Variants in TAF1 observed in about 807,000 individuals in gnomAD.
The protein encoded by TAF1 is TATA-box binding protein associated factor 1, also known as transcription initiation factor TFIID subunit 1.
A neutral mutation model predicts 138.5 loss-of-function variants in TAF1; 2 were observed. That is an observed-to-expected ratio of 0.01 (90% CI 0.01 to 0.05). The LOEUF is 0.05. Ranked by LOEUF, TAF1 falls within the 10% of genes least tolerant of loss-of-function variation. TAF1 has a pLI of 1.00. For missense variants in TAF1, 709 were observed against 1,478.0 expected (o/e 0.48, Z 8.53); for synonymous variants, 437 against 503.2 (o/e 0.87, Z 1.76).
chrX:71,383,927 C>T, intron 12 of TAF1, 35 bp from the exon 13 acceptor site: 1 of 1,191,158 alleles, frequency 8.4e-7, no homozygotes, highest in Non-Finnish European at 1.1e-6. Flanking sequence ...AGTGTCCTGT[C>T]AGGAGCTAGA....
intron 14 of TAF1, among the ~76,000 whole-genome samples, 158 bp downstream of exon 14, chrX:71,385,207 T>G (rs1342802399): frequency 8.9e-6 from 1 of 112,306 alleles, no homozygotes; most frequent in Non-Finnish European, 1.9e-5. Flanking sequence ...TAAAGAAATC[T>G]TTTTCTTAAA....
intron 32 of TAF1, among the ~76,000 whole-genome samples, chrX:71,427,396 G>T (rs2036643274): frequency 9.0e-6 from 1 of 111,381 alleles, no homozygotes; most frequent in African/African-American, 3.3e-5. Flanking sequence ...GTGTTGGTAA[G>T]CTCACAGATG....
chrX:71,468,502 A>G (rs2038811744), downstream of TAF1, among the ~76,000 whole-genome samples: 1 of 108,605 alleles, frequency 9.2e-6, no homozygotes, highest in East Asian at 2.9e-4. Context: ...CCTGGCCAAC[A>G]TGGTGAAACC....
chrX:71,369,294 T>C (rs1231331170), intron 3 of TAF1, among the ~76,000 whole-genome samples: 2 of 111,615 alleles, frequency 1.8e-5, no homozygotes, highest in African/African-American at 6.5e-5. Flanking sequence ...CACCGCACCC[T>C]GCCTAAAACA....
chrX:71,483,803 T>TATATATATATAC (rs1290090578), intron 13 of TAF1, among the ~76,000 whole-genome samples: 159 of 92,769 alleles, frequency 1.7e-3, no homozygotes, highest in African/African-American at 6.3e-3. Context: ...TATATATATA[T>TATATATATATAC]ACACACACAT....
At chrX:71,373,167 C>CTTTT (rs1388371317) in intron 3 of TAF1, among the ~76,000 whole-genome samples, 1 of 90,526 alleles carries the variant, frequency 1.1e-5, no homozygotes, top group Admixed American at 1.2e-4. Context: ...TGCCTGGCCA[C>CTTTT]TTTTTTTTTT....
chrX:71,393,155 C>T (rs2034656251), intron 20 of TAF1, 146 bp from the exon 21 acceptor site: 1 of 1,051,788 alleles, frequency 9.5e-7, no homozygotes, highest in African/African-American at 1.9e-5. Context: ...ATGTAATCTG[C>T]TTTGGGGTGA....
At chrX:71,459,341 A>G (rs2038445305) in intron 35 of TAF1, 3 of 1,026,142 alleles carry the variant, frequency 2.9e-6, no homozygotes, top group Admixed American at 2.9e-5. Context: ...TCCTAAGATG[A>G]TATCAGGGGG....
At chrX:71,402,458 C>G (rs1308786502) in intron 25 of TAF1, among the ~76,000 whole-genome samples, 4 of 111,685 alleles carry the variant, frequency 3.6e-5, no homozygotes, top group Non-Finnish European at 7.5e-5. Context: ...ATGCTGGTCT[C>G]AAACTCTTGT....
intron 32 of TAF1, among the ~76,000 whole-genome samples, chrX:71,444,655 T>G (rs2037597705): frequency 9.0e-6 from 1 of 111,591 alleles, no homozygotes; most frequent in African/African-American, 3.3e-5. Flanking sequence ...AGGTCAAGGC[T>G]TTGGTCAAGG....
intron 13 of TAF1, among the ~76,000 whole-genome samples, chrX:71,520,268 C>T (rs1294253755): frequency 2.9e-5 from 3 of 102,343 alleles, no homozygotes; most frequent in African/African-American, 1.1e-4. Context: ...CTCAGCCTCC[C>T]GAGTAGCTGG....
At chrX:71,421,472 A>C in intron 29 of TAF1, 96 bp downstream of exon 29, 1 of 733,721 alleles carries the variant, frequency 1.4e-6, no homozygotes. Flanking sequence ...AAGGAAAAAT[A>C]TATGCGGGAG....
intron 13 of TAF1, among the ~76,000 whole-genome samples, 161 bp from the exon 14 acceptor site, chrX:71,384,784 C>T (rs2034116568): frequency 9.0e-6 from 1 of 111,684 alleles, no homozygotes; most frequent in Non-Finnish European, 1.9e-5. Flanking sequence ...TTGGGATGCC[C>T]AACTGGTAAG....
intron 35 of TAF1, 59 bp from the exon 36 acceptor site, chrX:71,459,493 C>T: frequency 1.7e-6 from 2 of 1,181,805 alleles, no homozygotes; most frequent in Non-Finnish European, 2.3e-6. Context: ...CTGGTGGTGG[C>T]TTCTGGTCTC....
intron 18 of TAF1, among the ~76,000 whole-genome samples, chrX:71,392,160 A>G (rs759811829): frequency 8.9e-6 from 1 of 111,937 alleles, no homozygotes; most frequent in Non-Finnish European, 1.9e-5. Flanking sequence ...TCATTCTAAA[A>G]CAGCTGTTTG....
At chrX:71,458,072 A>G (rs764634323) in intron 34 of TAF1, among the ~76,000 whole-genome samples, 169 bp from the exon 35 acceptor site, 49 of 112,895 alleles carry the variant, frequency 4.3e-4, no homozygotes, top group Non-Finnish European at 7.9e-4. Context: ...AATAGGCAAC[A>G]TTTATAAGAG....
At chrX:71,393,090 T>C (rs1370533745) in intron 20 of TAF1, 96 bp downstream of exon 20, 1 of 1,094,725 alleles carries the variant, frequency 9.1e-7, no homozygotes, top group South Asian at 2.1e-5. Flanking sequence ...TGGGGAACTT[T>C]ATTGTAGGGT....
intron 30 of TAF1, 148 bp downstream of exon 30, chrX:71,423,387 G>A (rs1164344014): frequency 3.5e-6 from 3 of 853,487 alleles, no homozygotes; most frequent in Non-Finnish European, 3.2e-6. Context: ...TGACCTTTTT[G>A]CTATATGGGT....
chrX:71,476,366 T>C (rs982800576), intron 13 of TAF1, among the ~76,000 whole-genome samples: 8 of 111,217 alleles, frequency 7.2e-5, no homozygotes, highest in African/African-American at 2.3e-4. Flanking sequence ...CTGGGTGTGG[T>C]GGCTCATGCC....
Sources: allele counts gnomAD v4.1 joint callset (sites outside exome capture counted in the v4.1 genomes callset), GRCh38; gene constraint gnomAD v4.1.1; transcripts MANE v1.5; gene names NCBI Gene and HGNC (gene_info 2026-07-23, HGNC 2026-07-21).